ARHGAP42: variants seen among roughly 807,000 people sequenced by gnomAD.
The protein encoded by ARHGAP42 is rho GTPase-activating protein 42.
A neutral mutation model predicts 125.0 loss-of-function variants in ARHGAP42; 63 were observed. The ratio of observed to expected loss-of-function variants is 0.50; its 90% CI spans 0.41 to 0.62. The LOEUF (loss-of-function observed/expected upper bound fraction) is 0.62. ARHGAP42 is among the 20% of genes least tolerant of loss of function. ARHGAP42 has a pLI of 0.00. For missense variants in ARHGAP42, 766 were observed against 1,024.2 expected (o/e 0.75, Z 3.44); for synonymous variants, 339 against 351.0 (o/e 0.97, Z 0.38).
chr11:100,967,465 A>G (rs1858123858), intron 17 of ARHGAP42, among the ~76,000 whole-genome samples: 2 of 152,334 alleles, frequency 1.3e-5, no homozygotes. Flanking sequence ...GATTTCTCCT[A>G]AACGAAAACC....
At chr11:100,711,394 G>A (rs751070456) in intron 1 of ARHGAP42, among the ~76,000 whole-genome samples, 8 of 152,062 alleles carry the variant, frequency 5.3e-5, no homozygotes, top group Non-Finnish European at 7.4e-5. Flanking sequence ...GGTCTCTGTC[G>A]CCCATGCTGG....
intron 6 of ARHGAP42, among the ~76,000 whole-genome samples, chr11:100,927,591 A>G (rs552240900): frequency 1.4e-5 from 2 of 145,876 alleles, no homozygotes; most frequent in South Asian, 2.5e-4. Flanking sequence ...GTAGAAATCA[A>G]TCATGTAGCT....
intron 1 of ARHGAP42, among the ~76,000 whole-genome samples, chr11:100,689,741 C>A (rs927170557): frequency 1.3e-5 from 2 of 152,166 alleles, no homozygotes; most frequent in African/African-American, 4.8e-5. Context: ...GAGTGTATTA[C>A]TTTAACTAAC....
chr11:100,806,431 G>A (rs608666), intron 3 of ARHGAP42, among the ~76,000 whole-genome samples: 38 of 152,168 alleles, frequency 2.5e-4, no homozygotes, highest in African/African-American at 8.9e-4. Flanking sequence ...AAGTAATACA[G>A]TTTCTTTTAT....
At chr11:100,698,765 A>T (rs1861337864) in intron 1 of ARHGAP42, among the ~76,000 whole-genome samples, 1 of 152,228 alleles carries the variant, frequency 6.6e-6, no homozygotes, top group African/African-American at 2.4e-5. Flanking sequence ...CATTCTCTTT[A>T]AAAATTGTCA....
chr11:100,974,400 A>G (rs754720940), intron 18 of ARHGAP42, 59 bp from the exon 19 acceptor site: 46 of 1,476,906 alleles, frequency 3.1e-5, no homozygotes, highest in African/African-American at 7.0e-5. Context: ...AGCTTATTTT[A>G]TAATGAAAGT....
chr11:100,772,692 A>T (rs4121392), intron 2 of ARHGAP42, among the ~76,000 whole-genome samples: 44,048 of 152,130 alleles, frequency 0.29, 6,718 homozygotes, highest in African/African-American at 0.34. Flanking sequence ...GACATTGGTG[A>T]TATAAACGTC....
intron 1 of ARHGAP42, among the ~76,000 whole-genome samples, chr11:100,705,790 C>T (rs562747304): frequency 2.0e-5 from 3 of 152,136 alleles, no homozygotes; most frequent in South Asian, 4.2e-4. Flanking sequence ...TGGTCTCAAA[C>T]CCCTGGTCTC....
chr11:100,856,585 A>C (rs1246204303), intron 3 of ARHGAP42, among the ~76,000 whole-genome samples: 2 of 152,088 alleles, frequency 1.3e-5, no homozygotes, highest in African/African-American at 4.8e-5. Context: ...AAAAGTGATA[A>C]CATTTTTCAG....
chr11:100,985,378 T>C (rs567028499), intron 22 of ARHGAP42, among the ~76,000 whole-genome samples: 4 of 152,306 alleles, frequency 2.6e-5, no homozygotes, highest in African/African-American at 9.6e-5. Context: ...TATTTCCTTT[T>C]TTTTAGGAAA....
chr11:100,957,659 ATGT>A (rs1175961488), intron 12 of ARHGAP42, among the ~76,000 whole-genome samples: 1 of 152,126 alleles, frequency 6.6e-6, no homozygotes, highest in Non-Finnish European at 1.5e-5. Context: ...TTGGTTGATA[ATGT>A]TGTATTTACT....
intron 4 of ARHGAP42, among the ~76,000 whole-genome samples, chr11:100,910,744 C>T (rs1317731361): frequency 6.6e-6 from 1 of 151,556 alleles, no homozygotes; most frequent in Non-Finnish European, 1.5e-5. Flanking sequence ...AGCATGCTTC[C>T]CTAGATTATA....
chr11:100,739,459 G>T (rs1591140174), intron 1 of ARHGAP42, among the ~76,000 whole-genome samples: 1 of 152,078 alleles, frequency 6.6e-6, no homozygotes, highest in East Asian at 1.9e-4. Context: ...TACCATGCTT[G>T]TTTTCTTTTC....
In ARHGAP42 at chr11:100,816,278, A is replaced by G. The variant is rs532111297; in HGVS notation, c.312+21112A>G. On this transcript the variant is annotated intron_variant, in intron 3 of 23. Transcript: ENST00000298815. ...TTTACAATCCCACTAACAGAGCACA[A>G]GTATTCCAGTTTCTCTGCATCCTCA... 7.6e-4 allele frequency among the ~76,000 whole-genome samples: 115 copies of G among 152,260 alleles called. 1 individual carries two copies. The Middle Eastern group carries it at 0.027, about 36-fold the overall frequency.
At chr11:100,931,201 T>C (rs1278483831) in intron 6 of ARHGAP42, among the ~76,000 whole-genome samples, 1 of 152,210 alleles carries the variant, frequency 6.6e-6, no homozygotes, top group African/African-American at 2.4e-5. Flanking sequence ...ATCGTGACAG[T>C]GCTCTAAAAA....
intron 6 of ARHGAP42, among the ~76,000 whole-genome samples, chr11:100,926,729 T>C (rs975719946): frequency 6.6e-6 from 1 of 152,236 alleles, no homozygotes; most frequent in Non-Finnish European, 1.5e-5. Flanking sequence ...AAAGCTCTTG[T>C]ACCTGGTACT....
intron 4 of ARHGAP42, among the ~76,000 whole-genome samples, chr11:100,905,181 TGAA>T (rs1180579821): frequency 6.6e-6 from 1 of 152,170 alleles, no homozygotes; most frequent in East Asian, 1.9e-4. Flanking sequence ...AATCAATTAT[TGAA>T]GAATTTAACA....
chr11:100,703,787 T>C (rs983445905), intron 1 of ARHGAP42, among the ~76,000 whole-genome samples: 3 of 152,188 alleles, frequency 2.0e-5, no homozygotes, highest in African/African-American at 7.2e-5. Context: ...AAAATGATGA[T>C]CACAATTTGC....
chr11:100,878,314 C>T (rs1053316685), intron 4 of ARHGAP42, among the ~76,000 whole-genome samples: 1 of 151,850 alleles, frequency 6.6e-6, no homozygotes, highest in African/African-American at 2.4e-5. Context: ...ATTTCTATTT[C>T]CAGCTTTTCC....
Sources: gnomAD v4.1 joint callset for allele counts (sites outside exome capture counted in the v4.1 genomes callset) on GRCh38, gnomAD v4.1.1 for gene constraint, MANE v1.5 for transcripts, NCBI Gene and HGNC (gene_info 2026-07-23, HGNC 2026-07-21) for gene names.